Variants in CPA6 observed in about 807,000 individuals in gnomAD.
CPA6 encodes the protein carboxypeptidase B.
Under a neutral mutation model 63.3 loss-of-function variants are expected in CPA6, and 58 were observed. The observed-to-expected ratio is 0.92, with a 90% CI of 0.74 to 1.14. CPA6 has a LOEUF of 1.14. Among genes scored for constraint, CPA6 ranks in the 50% most tolerant of loss-of-function variants. The pLI, the probability that CPA6 is intolerant of heterozygous loss-of-function variation, is 0.00. For synonymous variants in CPA6, 185 were observed against 179.0 expected (o/e 1.03, Z -0.27); for missense variants, 565 against 526.6 (o/e 1.07, Z -0.71).
At chr8:67,459,006 A>ACT (rs1263314845) in intron 8 of CPA6, among the ~76,000 whole-genome samples, 1 of 152,060 alleles carries the variant, frequency 6.6e-6, no homozygotes, top group Non-Finnish European at 1.5e-5. Flanking sequence ...AACTAAATAT[A>ACT]CTCTTGCCAT....
intron 3 of CPA6, among the ~76,000 whole-genome samples, chr8:67,516,633 C>T (rs1210983945): frequency 2.6e-5 from 4 of 152,212 alleles, no homozygotes; most frequent in Non-Finnish European, 5.9e-5. Context: ...TTCTAATCCA[C>T]CTTTAGAGTC....
At chr8:67,705,593 T>C (rs762785776) in intron 1 of CPA6, among the ~76,000 whole-genome samples, 5 of 152,144 alleles carry the variant, frequency 3.3e-5, no homozygotes, top group Non-Finnish European at 5.9e-5. Context: ...GGTGCAAAAA[T>C]ATACTTTCCA....
chr8:67,458,774 A>G (rs1275115391), intron 8 of CPA6, among the ~76,000 whole-genome samples: 1 of 152,244 alleles, frequency 6.6e-6, no homozygotes, highest in Non-Finnish European at 1.5e-5. Context: ...AAGCACACAG[A>G]TGCAAATAAG....
chr8:67,629,732 T>A (rs1815278927), intron 1 of CPA6, among the ~76,000 whole-genome samples: 1 of 152,212 alleles, frequency 6.6e-6, no homozygotes, highest in Non-Finnish European at 1.5e-5. Flanking sequence ...ATAGTGGGTT[T>A]GCTGAGGGCT....
At chr8:67,578,504 C>A (rs1469190532) in intron 2 of CPA6, among the ~76,000 whole-genome samples, 3 of 152,162 alleles carry the variant, frequency 2.0e-5, no homozygotes, top group South Asian at 2.1e-4. Flanking sequence ...ACCATGGGCA[C>A]AACCCAATTT....
At chr8:67,484,275 T>C (rs1811426511) in intron 7 of CPA6, among the ~76,000 whole-genome samples, 1 of 151,758 alleles carries the variant, frequency 6.6e-6, no homozygotes, top group Admixed American at 6.6e-5. Context: ...GGTTTCACGG[T>C]GTTAGCCAGG....
At chr8:67,675,508 C>T (rs910066958) in intron 1 of CPA6, among the ~76,000 whole-genome samples, 5 of 152,156 alleles carry the variant, frequency 3.3e-5, no homozygotes, top group Admixed American at 1.3e-4. Flanking sequence ...CCACCCCTCC[C>T]CTTGCCCATC....
At chr8:67,456,981 G>A (rs1035048204) in intron 8 of CPA6, among the ~76,000 whole-genome samples, 1 of 152,228 alleles carries the variant, frequency 6.6e-6, no homozygotes, top group African/African-American at 2.4e-5. Flanking sequence ...GCTGGAAAAG[G>A]GAAGGAAACA....
chr8:67,457,846 C>T (rs1459792594), intron 8 of CPA6, among the ~76,000 whole-genome samples: 1 of 152,164 alleles, frequency 6.6e-6, no homozygotes, highest in African/African-American at 2.4e-5. Flanking sequence ...CCTCACTTGC[C>T]AATTCCTGCT....
intron 2 of CPA6, among the ~76,000 whole-genome samples, chr8:67,564,824 AAT>A (rs1397580308): frequency 6.6e-6 from 1 of 152,222 alleles, no homozygotes; most frequent in Non-Finnish European, 1.5e-5. Context: ...GTAATGTGAC[AAT>A]ATGTCTATCC....
intron 10 of CPA6, among the ~76,000 whole-genome samples, chr8:67,427,518 AG>A (rs762924266): frequency 5.3e-5 from 8 of 152,068 alleles, no homozygotes; most frequent in African/African-American, 1.9e-4. Flanking sequence ...ATGGGAGATG[AG>A]GGGGGGTTGG....
At chr8:67,605,494 A>G (rs72657246) in intron 2 of CPA6, among the ~76,000 whole-genome samples, 18,376 of 149,296 alleles carry the variant, frequency 0.12, 1,276 homozygotes, top group Middle Eastern at 0.19. Flanking sequence ...TATAGCTGTT[A>G]TATTTTAAAA....
chr8:67,463,488 G>A (rs60060894), intron 8 of CPA6, among the ~76,000 whole-genome samples: 17,852 of 150,428 alleles, frequency 0.12, 1,156 homozygotes, highest in East Asian at 0.23. Context: ...ATAAATAAAA[G>A]AAGAATTCTA....
intron 1 of CPA6, among the ~76,000 whole-genome samples, chr8:67,661,279 G>A (rs549976935): frequency 9.2e-5 from 14 of 152,292 alleles, no homozygotes; most frequent in African/African-American, 3.4e-4. Context: ...AGGCCAAGAC[G>A]TGGGAACGCA....
intron 1 of CPA6, among the ~76,000 whole-genome samples, chr8:67,697,945 G>C (rs1563397782): frequency 6.6e-6 from 1 of 152,096 alleles, no homozygotes; most frequent in Non-Finnish European, 1.5e-5. Flanking sequence ...ATGGTTGTAT[G>C]GCAGCAAGTA....
At chr8:67,635,721 C>T (rs530085910) in intron 1 of CPA6, among the ~76,000 whole-genome samples, 15 of 151,682 alleles carry the variant, frequency 9.9e-5, no homozygotes, top group African/African-American at 3.7e-4. Context: ...GAGCCAAGAT[C>T]ATGCCACTGC....
At chr8:67,460,788 A>G (rs1484670725) in intron 8 of CPA6, among the ~76,000 whole-genome samples, 2 of 152,206 alleles carry the variant, frequency 1.3e-5, no homozygotes, top group Admixed American at 6.5e-5. Context: ...ATAAAAGAAT[A>G]TATTTTTGTG....
chr8:67,546,364 T>G (rs1000949283), intron 2 of CPA6, among the ~76,000 whole-genome samples: 2 of 152,216 alleles, frequency 1.3e-5, no homozygotes, highest in Non-Finnish European at 2.9e-5. Context: ...GGATAGCATG[T>G]GCTCATTAAA....
intron 2 of CPA6, among the ~76,000 whole-genome samples, chr8:67,609,744 G>A (rs547127140): frequency 1.2e-4 from 19 of 152,268 alleles, no homozygotes; most frequent in South Asian, 2.1e-4. Flanking sequence ...AATACTGGTC[G>A]GGCACGGTGG....
Sources: gnomAD v4.1 joint callset for allele counts (sites outside exome capture counted in the v4.1 genomes callset) on GRCh38, gnomAD v4.1.1 for gene constraint, MANE v1.5 for transcripts, NCBI Gene and HGNC (gene_info 2026-07-23, HGNC 2026-07-21) for gene names.